Variants in ENTHD1 observed in about 807,000 individuals in gnomAD.
ENTHD1 encodes the protein ENTH domain containing 1.
ENTHD1 carries 23 observed loss-of-function variants against 39.1 expected under a neutral mutation model. The ratio of observed to expected loss-of-function variants is 0.59; its 90% CI spans 0.42 to 0.83. The LOEUF is 0.83. Ranked by LOEUF, ENTHD1 falls within the 40% of genes least tolerant of loss-of-function variation. The probability of loss-of-function intolerance (pLI) is 0.00; values close to 1 mark genes in which losing one functional copy is unlikely to be tolerated. For synonymous variants in ENTHD1, 230 were observed against 258.2 expected (o/e 0.89, Z 1.05); for missense variants, 624 against 705.4 (o/e 0.88, Z 1.31).
Position 39,777,878 on chromosome 22 carries a change from C to T in ENTHD1, c.833-12269G>A, listed in dbSNP as rs188915489. Among the ~76,000 whole-genome samples, 225 of 152,292 alleles carry T rather than the reference C, an allele frequency of 1.5e-3. 2 individuals are homozygous for T. The highest frequency in any genetic ancestry group is 2.0e-3 in the Non-Finnish European group (139 of 68,024). On this transcript the variant is annotated intron_variant, in intron 5 of 6. Coordinates refer to ENST00000325157, the MANE Select transcript of ENTHD1 (RefSeq NM_152512.4). ...AGCTGGCAATCTTTATCTATTGCAACGTTTCCTGTCTTTCCGCTAGTGAGA... is the reference window on the plus strand; with the variant it reads ...AGCTGGCAATCTTTATCTATTGCAATGTTTCCTGTCTTTCCGCTAGTGAGA...
At chr22:39,782,905 A>G (rs1458898070) in intron 5 of ENTHD1, among the ~76,000 whole-genome samples, 1 of 152,184 alleles carries the variant, frequency 6.6e-6, no homozygotes, top group African/African-American at 2.4e-5. Flanking sequence ...CTTATATTCA[A>G]TATAGTATTG....
chr22:39,804,173 A>G (rs563565871), intron 5 of ENTHD1, among the ~76,000 whole-genome samples: 2 of 151,776 alleles, frequency 1.3e-5, no homozygotes, highest in African/African-American at 4.8e-5. Context: ...CAAAAAAAAG[A>G]AAAGAAAAAG....
intron 6 of ENTHD1, among the ~76,000 whole-genome samples, chr22:39,747,936 C>G (rs1042608368): frequency 6.6e-6 from 1 of 152,068 alleles, no homozygotes; most frequent in African/African-American, 2.4e-5. Context: ...CTTTACAGAA[C>G]TTATCTATTC....
chr22:39,839,149 G>GTA (rs1239351972), intron 3 of ENTHD1, among the ~76,000 whole-genome samples: 7 of 151,804 alleles, frequency 4.6e-5, no homozygotes, highest in South Asian at 4.1e-4. Flanking sequence ...GTGTGAGGAG[G>GTA]TACATAGTGT....
chr22:39,764,841 T>G (rs1307897937), intron 6 of ENTHD1, among the ~76,000 whole-genome samples: 1 of 151,728 alleles, frequency 6.6e-6, no homozygotes, highest in Non-Finnish European at 1.5e-5. Context: ...TATGTGGGGG[T>G]GTGTGTATAC....
intron 5 of ENTHD1, among the ~76,000 whole-genome samples, chr22:39,785,392 T>A (rs1438436009): frequency 6.6e-6 from 1 of 152,254 alleles, no homozygotes; most frequent in Non-Finnish European, 1.5e-5. Flanking sequence ...CTTTTATTTC[T>A]TTCCCTTTTC....
At chr22:39,828,285 T>G (rs1473456814) in intron 4 of ENTHD1, among the ~76,000 whole-genome samples, 1 of 152,158 alleles carries the variant, frequency 6.6e-6, no homozygotes, top group Admixed American at 6.5e-5. Flanking sequence ...TCTGAACACT[T>G]TTCAATAAGT....
chr22:39,769,627 T>G (rs1283103854), intron 5 of ENTHD1, among the ~76,000 whole-genome samples: 3 of 152,006 alleles, frequency 2.0e-5, no homozygotes, highest in African/African-American at 7.2e-5. Flanking sequence ...TCAGTGTAAA[T>G]GGAACTGGTC....
At chr22:39,799,470 A>G (rs2065580737) in intron 5 of ENTHD1, among the ~76,000 whole-genome samples, 2 of 152,178 alleles carry the variant, frequency 1.3e-5, no homozygotes, top group Admixed American at 1.3e-4. Context: ...GTAGGTACAC[A>G]GACACATTGA....
intron 4 of ENTHD1, among the ~76,000 whole-genome samples, chr22:39,824,801 C>T (rs968552106): frequency 6.6e-6 from 1 of 152,198 alleles, no homozygotes; most frequent in African/African-American, 2.4e-5. Flanking sequence ...ATACCGCACT[C>T]TCTTGATTAC....
intron 2 of ENTHD1, among the ~76,000 whole-genome samples, chr22:39,864,155 A>C (rs933472960): frequency 1.3e-5 from 2 of 152,174 alleles, no homozygotes; most frequent in African/African-American, 4.8e-5. Context: ...CCCCTGAAAA[A>C]TGGACAAAGA....
chr22:39,820,239 G>A (rs139382799), intron 5 of ENTHD1, among the ~76,000 whole-genome samples: 50 of 152,228 alleles, frequency 3.3e-4, no homozygotes, highest in Non-Finnish European at 2.5e-4. Context: ...TGAGATGCAT[G>A]GTCCAAGAAG....
intron 3 of ENTHD1, among the ~76,000 whole-genome samples, chr22:39,845,297 A>C (rs954257244): frequency 1.1e-4 from 16 of 152,228 alleles, no homozygotes; most frequent in Admixed American, 5.9e-4. Context: ...ACAAGGGCTT[A>C]AGTAGCCAGT....
intron 5 of ENTHD1, among the ~76,000 whole-genome samples, chr22:39,783,034 A>C (rs1012392559): frequency 4.6e-5 from 7 of 152,172 alleles, no homozygotes; most frequent in Admixed American, 3.3e-4. Flanking sequence ...AAAAACCCAA[A>C]TATTCCACAA....
chr22:39,837,199 A>G (rs1348987544), intron 3 of ENTHD1, among the ~76,000 whole-genome samples: 1 of 152,224 alleles, frequency 6.6e-6, no homozygotes, highest in African/African-American at 2.4e-5. Flanking sequence ...AAAAAGTATA[A>G]GAAAAACTAC....
Position 39,821,081 on chromosome 22 carries a change from C to T in ENTHD1, c.744G>A (p.Glu248=). ...DLMTFLDDDP[E]LPLLATPPSI... ...AAGGAGGTGTTGCTAGTAAAGGCAG[C>T]TCTGGATCATCATCCAAAAATGTCA... The change falls in exon 5 of 7, where the codon GAG becomes GAA. Residue 248 remains glutamate, a synonymous_variant. Coordinates refer to ENST00000325157, the MANE Select transcript of ENTHD1 (RefSeq NM_152512.4). The T allele has an allele frequency of 6.2e-7, 1 of 1,614,040 alleles. No individual in the cohort carries two copies. The highest frequency in any genetic ancestry group is 1.1e-5 in the South Asian group (1 of 91,064).
intron 5 of ENTHD1, among the ~76,000 whole-genome samples, chr22:39,776,852 A>T (rs1337427162): frequency 6.6e-6 from 1 of 152,124 alleles, no homozygotes; most frequent in African/African-American, 2.4e-5. Flanking sequence ...GGAACATTCC[A>T]CCCTGCTACC....
At chr22:39,889,046 C>T (rs910516877) in intron 1 of ENTHD1, among the ~76,000 whole-genome samples, 7 of 152,204 alleles carry the variant, frequency 4.6e-5, no homozygotes, top group African/African-American at 1.7e-4. Context: ...TGAAGACAAA[C>T]AGCTGTATAT....
At chr22:39,809,709 A>G (rs1308468578) in intron 5 of ENTHD1, among the ~76,000 whole-genome samples, 1 of 152,150 alleles carries the variant, frequency 6.6e-6, no homozygotes, top group African/African-American at 2.4e-5. Flanking sequence ...AGAGCTCTGT[A>G]GTGGTTGTCA....
Sources: allele counts gnomAD v4.1 joint callset (sites outside exome capture counted in the v4.1 genomes callset), GRCh38; gene constraint gnomAD v4.1.1; transcripts MANE v1.5; gene names NCBI Gene and HGNC (gene_info 2026-07-23, HGNC 2026-07-21).